Variants in PALM2AKAP2 observed in about 807,000 individuals in gnomAD.
PALM2AKAP2 encodes the protein PALM2-AKAP2 fusion protein.
A neutral mutation model predicts 71.5 loss-of-function variants in PALM2AKAP2; 37 were observed. The ratio of observed to expected loss-of-function variants is 0.52; its 90% CI spans 0.40 to 0.68. The LOEUF (loss-of-function observed/expected upper bound fraction) is 0.68, where lower values mean the gene tolerates loss of function less well. Ranked by LOEUF, PALM2AKAP2 falls within the 30% of genes least tolerant of loss-of-function variation. The pLI, the probability that PALM2AKAP2 is intolerant of heterozygous loss-of-function variation, is 0.00. For missense variants in PALM2AKAP2, 1,224 were observed against 1,191.8 expected (o/e 1.03, Z -0.40); for synonymous variants, 468 against 478.8 (o/e 0.98, Z 0.29).
At chr9:109,743,634 C>T (rs915709571) in intron 1 of PALM2AKAP2, among the ~76,000 whole-genome samples, 2 of 152,182 alleles carry the variant, frequency 1.3e-5, no homozygotes, top group African/African-American at 4.8e-5. Context: ...ATGTCTATTT[C>T]AGGAACCAGG....
At chr9:110,162,267 C>A in intron 3 of PALM2AKAP2, 135 bp downstream of exon 10, 1 of 1,376,474 alleles carries the variant, frequency 7.3e-7, no homozygotes, top group Non-Finnish European at 1.0e-6. Flanking sequence ...TTTTTTTGTG[C>A]CTGTTCTGAA....
At chr9:109,690,798 G>A (rs1020853554) in intron 1 of PALM2AKAP2, among the ~76,000 whole-genome samples, 3 of 152,108 alleles carry the variant, frequency 2.0e-5, no homozygotes, top group South Asian at 2.1e-4. Context: ...TATTAAGTTC[G>A]GATCACATCC....
chr9:110,113,698 A>G (rs1281895923), intron 1 of PALM2AKAP2, among the ~76,000 whole-genome samples: 1 of 151,870 alleles, frequency 6.6e-6, no homozygotes, highest in Non-Finnish European at 1.5e-5. Flanking sequence ...CAACAGGCTA[A>G]TTTTTTGTAT....
At chr9:109,827,126 C>G (rs1374228609) in intron 1 of PALM2AKAP2, among the ~76,000 whole-genome samples, 1 of 152,138 alleles carries the variant, frequency 6.6e-6, no homozygotes, top group Non-Finnish European at 1.5e-5. Flanking sequence ...GCTAAAAAGT[C>G]TCACTGCTAT....
At chr9:110,094,810 G>C (rs962137052) in intron 1 of PALM2AKAP2, among the ~76,000 whole-genome samples, 1 of 152,180 alleles carries the variant, frequency 6.6e-6, no homozygotes, top group African/African-American at 2.4e-5. Flanking sequence ...CCATGCCTTT[G>C]TCTTCTCACT....
chr9:109,780,217 C>A, upstream of PALM2AKAP2: 2 of 990,592 alleles, frequency 2.0e-6, no homozygotes, highest in Non-Finnish European at 2.4e-6. Flanking sequence ...CCTCGGCTGG[C>A]GCGGCCGGCG....
At chr9:110,009,598 C>T (rs747120869) in intron 6 of PALM2AKAP2, among the ~76,000 whole-genome samples, 1 of 151,276 alleles carries the variant, frequency 6.6e-6, no homozygotes, top group Admixed American at 6.6e-5. Context: ...CCTGTAGTCC[C>T]AACTACCCCA....
chr9:110,112,592 G>C (rs1445924161), intron 1 of PALM2AKAP2, among the ~76,000 whole-genome samples: 1 of 152,224 alleles, frequency 6.6e-6, no homozygotes, highest in Admixed American at 6.5e-5. Context: ...AATAGTTCTA[G>C]GACCCATTTA....
At chr9:109,894,438 C>A (rs919379161) in intron 3 of PALM2AKAP2, among the ~76,000 whole-genome samples, 13 of 152,152 alleles carry the variant, frequency 8.5e-5, no homozygotes, top group Non-Finnish European at 1.6e-4. Context: ...GTGGCCAAAC[C>A]CAGTAATATT....
intron 1 of PALM2AKAP2, among the ~76,000 whole-genome samples, chr9:109,865,859 TA>T (rs1164156499): frequency 2.0e-5 from 3 of 152,218 alleles, no homozygotes; most frequent in Non-Finnish European, 4.4e-5. Context: ...CAGGAAGCCC[TA>T]GCTTTATCAT....
Position 109,836,790 on chromosome 9 carries a change from T to G in PALM2AKAP2, c.46-30701T>G, listed in dbSNP as rs141439654. 1.4e-3 allele frequency among the ~76,000 whole-genome samples: 210 copies of G among 152,042 alleles called. 1 individual carries two copies. Among genetic ancestry groups the G allele is most frequent in the African/African-American group, 4.9e-3 (203 of 41,428 alleles). ...AAGAAAGGGTATCAGTGATGGAAGA[T>G]CGAATGAATGAAATGAAGTGAGAAG... On this transcript the variant is annotated intron_variant, in intron 1 of 9. Coordinates refer to the PALM2AKAP2 transcript ENST00000302798.
In PALM2AKAP2 at chr9:110,155,270, T is replaced by A. The variant is rs537050095; in HGVS notation, c.2570-1049T>A. Among the ~76,000 whole-genome samples the A allele has an allele frequency of 1.1e-3, 171 of 152,314 alleles. 1 individual carries two copies. Among genetic ancestry groups the A allele is most frequent in the African/African-American group, 3.9e-3 (162 of 41,560 alleles). ...CCCTTTCCCCTCCCAAACGGAGCCATGCAAGCCCCATTTATCTTGTGTGTT... is the reference window on the plus strand; with the variant it reads ...CCCTTTCCCCTCCCAAACGGAGCCAAGCAAGCCCCATTTATCTTGTGTGTT... On this transcript the variant is annotated intron_variant, in intron 2 of 3. Transcript: ENST00000374525.
intron 3 of PALM2AKAP2, among the ~76,000 whole-genome samples, chr9:110,162,581 A>G (rs1464559266): frequency 1.3e-5 from 2 of 152,232 alleles, no homozygotes; most frequent in African/African-American, 4.8e-5. Context: ...GCTCCATTCT[A>G]TAGATTTAAG....
chr9:110,168,594 G>C, exon 4 of PALM2AKAP2: 1 of 1,401,414 alleles, frequency 7.1e-7, no homozygotes, highest in Non-Finnish European at 9.7e-7. Context: ...TTATTAAAGT[G>C]CAAACAAACT....
At chr9:109,808,643 A>G (rs1272513225) in intron 1 of PALM2AKAP2, among the ~76,000 whole-genome samples, 5 of 152,272 alleles carry the variant, frequency 3.3e-5, no homozygotes, top group Non-Finnish European at 1.5e-5. Context: ...CTGAAGAGAA[A>G]TTCAAGCCAG....
At chr9:109,995,071 A>G (rs74374236) in intron 6 of PALM2AKAP2, among the ~76,000 whole-genome samples, 3,717 of 152,270 alleles carry the variant, frequency 0.024, 164 homozygotes, top group African/African-American at 0.084. Context: ...TTTTAAAAAT[A>G]TTCTCTTTTA....
intron 1 of PALM2AKAP2, among the ~76,000 whole-genome samples, chr9:109,652,995 T>A: frequency 6.6e-6 from 1 of 152,248 alleles, no homozygotes; most frequent in East Asian, 1.9e-4. Context: ...AAAAAATCTT[T>A]AATGTTTGGA....
chr9:110,084,562 T>A (rs1277399917), intron 1 of PALM2AKAP2, among the ~76,000 whole-genome samples: 1 of 152,178 alleles, frequency 6.6e-6, no homozygotes, highest in East Asian at 1.9e-4. Flanking sequence ...GTCCTTAATA[T>A]AGAATGGTGT....
intron 3 of PALM2AKAP2, among the ~76,000 whole-genome samples, chr9:109,907,531 A>G (rs1202692525): frequency 6.6e-6 from 1 of 152,154 alleles, no homozygotes; most frequent in African/African-American, 2.4e-5. Flanking sequence ...ACCCAAAGCC[A>G]TGATGCAGCC....
Sources: allele counts gnomAD v4.1 joint callset (sites outside exome capture counted in the v4.1 genomes callset), GRCh38; gene constraint gnomAD v4.1.1; transcripts MANE v1.5; gene names NCBI Gene and HGNC (gene_info 2026-07-23, HGNC 2026-07-21).